Variants in CPVL observed in about 807,000 individuals in gnomAD.
CPVL encodes the protein carboxypeptidase vitellogenic like, also known as probable serine carboxypeptidase CPVL.
Under a neutral mutation model 63.7 loss-of-function variants are expected in CPVL, and 51 were observed. The observed-to-expected ratio is 0.80, with a 90% CI of 0.64 to 1.01. CPVL has a LOEUF of 1.01. CPVL is among the 50% of genes least tolerant of loss of function. The probability of loss-of-function intolerance (pLI) is 0.00; values close to 1 mark genes in which losing one functional copy is unlikely to be tolerated. For synonymous variants in CPVL, 195 were observed against 206.0 expected (o/e 0.95, Z 0.46); for missense variants, 530 against 573.1 (o/e 0.92, Z 0.77).
At chr7:29,136,222 T>C (rs185974265) in intron 1 of CPVL, among the ~76,000 whole-genome samples, 172 of 152,324 alleles carry the variant, frequency 1.1e-3, no homozygotes, top group African/African-American at 3.7e-3. Context: ...TCAATAAGGA[T>C]ATTACAGTTC....
chr7:29,156,059 C>G (rs555412116), intron 5 of CPVL, among the ~76,000 whole-genome samples: 1 of 152,304 alleles, frequency 6.6e-6, no homozygotes, highest in South Asian at 2.1e-4. Flanking sequence ...GAGGGATAAA[C>G]CGGCGAAGCA....
At chr7:29,174,833 C>G (rs1327978817) in intron 5 of CPVL, among the ~76,000 whole-genome samples, 1 of 147,994 alleles carries the variant, frequency 6.8e-6, no homozygotes, top group African/African-American at 2.5e-5. Flanking sequence ...GCACTCCAGC[C>G]TGGGCAAAAA....
intron 1 of CPVL, among the ~76,000 whole-genome samples, chr7:29,137,098 T>C (rs1205942092): frequency 6.6e-6 from 1 of 152,222 alleles, no homozygotes; most frequent in Non-Finnish European, 1.5e-5. Context: ...TTCCCTCATG[T>C]GCTGCTGTCT....
intron 3 of CPVL, among the ~76,000 whole-genome samples, chr7:29,104,016 G>T (rs1011811511): frequency 6.6e-6 from 1 of 152,098 alleles, no homozygotes; most frequent in Admixed American, 6.5e-5. Flanking sequence ...TACACTAATG[G>T]TATTAATCAA....
intron 11 of CPVL, among the ~76,000 whole-genome samples, chr7:29,062,765 T>TTTAA (rs1184970738): frequency 1.3e-5 from 2 of 152,212 alleles, no homozygotes; most frequent in African/African-American, 4.8e-5. Context: ...AGAGTCTGGT[T>TTTAA]TTAACTAAGG....
rs200549892 is a variant in CPVL, at chr7:29,072,357, C to G, written c.676G>C (p.Val226Leu). The G allele has an allele frequency of 3.3e-5, 54 of 1,613,936 alleles. No homozygotes were observed. The highest frequency in any genetic ancestry group is 1.6e-4 in the Middle Eastern group (1 of 6,084). Reference protein sequence around the residue: ...LIHSLNPVREVKINLNGIAIG... With the variant: ...LIHSLNPVRELKINLNGIAIG... ...GCAATTCCGTTCAGGTTGATCTTCA[C>G]CTCTCTCACAGGGTTGAGGGAATGG... is the stretch of plus-strand genomic sequence containing the variant. The change falls in exon 8 of 13, where the codon GTG (valine) becomes CTG (leucine). Residue 226 changes from valine (V) to leucine (L), a missense_variant. Physicochemically the swap from Val to Leu is conservative, Grantham distance 32 (BLOSUM62 1). Coordinates refer to ENST00000265394, the MANE Select transcript of CPVL (RefSeq NM_031311.5).
intron 5 of CPVL, among the ~76,000 whole-genome samples, chr7:29,159,866 C>T (rs1794942024): frequency 6.6e-6 from 1 of 152,150 alleles, no homozygotes; most frequent in South Asian, 2.1e-4. Flanking sequence ...AATGCAAGTG[C>T]CTAGAACAGT....
intron 1 of CPVL, among the ~76,000 whole-genome samples, chr7:29,190,740 T>C (rs1782783411): frequency 6.6e-6 from 1 of 152,240 alleles, no homozygotes; most frequent in South Asian, 2.1e-4. Context: ...TTGTTACTCA[T>C]TGTCTTGTAG....
chr7:28,996,201 G>A (rs1318638351), intron 12 of CPVL: 1 of 225,854 alleles, frequency 4.4e-6, no homozygotes, highest in Non-Finnish European at 8.6e-6. Context: ...TGAGAGTGCT[G>A]CACTGCAAGT....
At chr7:29,161,471 C>A (rs539585757) in intron 5 of CPVL, among the ~76,000 whole-genome samples, 3 of 152,124 alleles carry the variant, frequency 2.0e-5, no homozygotes, top group African/African-American at 7.2e-5. Context: ...TATCTCGAAC[C>A]CCACATTTTT....
chr7:29,184,411 A>G (rs1306881855), intron 4 of CPVL: 1 of 152,122 alleles, frequency 6.6e-6, no homozygotes, highest in Non-Finnish European at 1.5e-5. Flanking sequence ...AGTATATGCA[A>G]TTGGCTCACT....
chr7:29,157,701 C>T (rs1170519893), intron 5 of CPVL, among the ~76,000 whole-genome samples: 1 of 152,208 alleles, frequency 6.6e-6, no homozygotes, highest in Non-Finnish European at 1.5e-5. Flanking sequence ...TGAAAAGCCA[C>T]TCAATGACCT....
chr7:29,036,278 G>GT (rs972687401), intron 11 of CPVL, among the ~76,000 whole-genome samples: 10 of 152,178 alleles, frequency 6.6e-5, no homozygotes, highest in African/African-American at 2.4e-4. Flanking sequence ...ATACAGAATT[G>GT]TAACGAGAAC....
intron 12 of CPVL, among the ~76,000 whole-genome samples, chr7:29,006,822 T>G (rs552095199): frequency 6.6e-6 from 1 of 152,360 alleles, no homozygotes; most frequent in South Asian, 2.1e-4. Context: ...GCAAAAATAC[T>G]GCATTAGTCT....
intron 2 of CPVL, among the ~76,000 whole-genome samples, chr7:29,115,435 GT>G (rs1271090769): frequency 1.3e-5 from 2 of 152,170 alleles, no homozygotes; most frequent in East Asian, 3.9e-4. Context: ...AAAGGGAGGT[GT>G]TTGGGGAAAG....
chr7:29,091,923 G>C (rs1785848761), intron 6 of CPVL, among the ~76,000 whole-genome samples: 1 of 152,134 alleles, frequency 6.6e-6, no homozygotes, highest in African/African-American at 2.4e-5. Context: ...GTGTGGGGTA[G>C]GGAGCTAGTT....
chr7:28,999,702 G>GT (rs1166861830), intron 12 of CPVL, among the ~76,000 whole-genome samples: 1 of 152,196 alleles, frequency 6.6e-6, no homozygotes, highest in Non-Finnish European at 1.5e-5. Context: ...GCTGCCATGT[G>GT]TAATGACCCT....
intron 3 of CPVL, among the ~76,000 whole-genome samples, chr7:29,105,010 C>T (rs1394912303): frequency 2.0e-5 from 3 of 152,114 alleles, no homozygotes; most frequent in East Asian, 3.9e-4. Flanking sequence ...TTCTATATCT[C>T]TGATGCCATT....
chr7:29,000,475 G>A (rs567659346), intron 12 of CPVL, among the ~76,000 whole-genome samples: 5 of 151,758 alleles, frequency 3.3e-5, no homozygotes, highest in Admixed American at 6.6e-5. Flanking sequence ...CTGTGGGCAC[G>A]TGCAGCAGAG....
Sources: gnomAD v4.1 joint callset for allele counts (sites outside exome capture counted in the v4.1 genomes callset) on GRCh38, gnomAD v4.1.1 for gene constraint, MANE v1.5 for transcripts, NCBI Gene and HGNC (gene_info 2026-07-23, HGNC 2026-07-21) for gene names.